The following CHRM3 variants were observed in gnomAD, a reference collection of about 807,000 sequenced individuals.
CHRM3 encodes muscarinic acetylcholine receptor M3.
CHRM3 carries 11 observed loss-of-function variants against 41.8 expected under a neutral mutation model. The ratio of observed to expected loss-of-function variants is 0.26; its 90% CI spans 0.17 to 0.44. The LOEUF (loss-of-function observed/expected upper bound fraction) is 0.44. Ranked by LOEUF, CHRM3 falls within the 20% of genes least tolerant of loss-of-function variation. The probability of loss-of-function intolerance (pLI) is 1.00; values close to 1 mark genes in which losing one functional copy is unlikely to be tolerated. For synonymous variants in CHRM3, 297 were observed against 301.4 expected, an observed-to-expected ratio of 0.99 and a Z score of 0.15; for missense variants, 571 against 745.4, an observed-to-expected ratio of 0.77 and a Z score of 2.72.
chr1:239,723,181 C>T (rs1663132677), intron 5 of CHRM3, among the ~76,000 whole-genome samples: 1 of 151,832 alleles, frequency 6.6e-6, no homozygotes, highest in African/African-American at 2.4e-5. Flanking sequence ...TAGCTATACA[C>T]CAGGCACTAG....
intron 3 of CHRM3, among the ~76,000 whole-genome samples, chr1:239,611,484 G>A (rs983784048): frequency 1.4e-5 from 2 of 144,776 alleles, no homozygotes; most frequent in South Asian, 2.2e-4. Flanking sequence ...GCTGTGGCGC[G>A]ATCTTGGCTC....
intron 5 of CHRM3, among the ~76,000 whole-genome samples, chr1:239,756,317 AG>A (rs559260554): frequency 1.2e-3 from 190 of 152,334 alleles, no homozygotes; most frequent in South Asian, 3.7e-3. Context: ...TGATGAATAA[AG>A]AGGACTTAAG....
At chr1:239,874,054 G>T (rs989295113) in intron 6 of CHRM3, among the ~76,000 whole-genome samples, 4 of 151,604 alleles carry the variant, frequency 2.6e-5, no homozygotes, top group Admixed American at 2.6e-4. Context: ...GAAGAGTAGG[G>T]TTTATCCCCA....
chr1:239,658,550 A>G (rs1482991428), intron 4 of CHRM3, among the ~76,000 whole-genome samples: 1 of 152,168 alleles, frequency 6.6e-6, no homozygotes, highest in African/African-American at 2.4e-5. Context: ...GTAAGTGCAG[A>G]CTTTACATCT....
At chr1:239,696,700 A>T (rs1660227691) in intron 5 of CHRM3, among the ~76,000 whole-genome samples, 1 of 152,156 alleles carries the variant, frequency 6.6e-6, no homozygotes, top group Non-Finnish European at 1.5e-5. Flanking sequence ...ATTTGTGCAG[A>T]CTCAGAGTAA....
chr1:239,850,455 G>A (rs1674610749), intron 6 of CHRM3, among the ~76,000 whole-genome samples: 1 of 152,070 alleles, frequency 6.6e-6, no homozygotes. Context: ...TTCATTGAAA[G>A]AAATCTACAT....
At position 239,909,514 on chromosome 1, in the gene CHRM3, G is replaced by A. The variant is rs1680239083; in HGVS notation, c.*290G>A. 6.5e-6 allele frequency: 2 copies of A among 305,800 alleles called. No individual in the cohort carries two copies. The highest frequency in any genetic ancestry group is 7.1e-5 in the South Asian group (1 of 14,100). The allele number at this position is 305,800 out of a possible 1,614,324, so 18.9% of individuals were successfully genotyped here. On this transcript the variant is annotated 3_prime_UTR_variant, in exon 7 of 7. Coordinates refer to ENST00000676153, the MANE Select transcript of CHRM3 (RefSeq NM_001375978.1). ...AAAGAGGAGAAAAATATTGCTTGACGGCAATTATATACCCAAAGTGATTTG... is the reference window on the plus strand; with the variant it reads ...AAAGAGGAGAAAAATATTGCTTGACAGCAATTATATACCCAAAGTGATTTG...
intron 5 of CHRM3, among the ~76,000 whole-genome samples, chr1:239,694,821 T>A (rs1188821281): frequency 1.3e-5 from 2 of 152,188 alleles, no homozygotes; most frequent in Non-Finnish European, 2.9e-5. Context: ...TCTTTTATTT[T>A]AAAATATTAA....
intron 5 of CHRM3, among the ~76,000 whole-genome samples, chr1:239,819,577 G>A (rs1474874967): frequency 2.0e-5 from 3 of 152,170 alleles, no homozygotes; most frequent in African/African-American, 7.2e-5. Flanking sequence ...ATATATAAAA[G>A]CCTGTAGGAA....
chr1:239,504,316 A>C (rs1668427382), intron 2 of CHRM3, among the ~76,000 whole-genome samples: 1 of 152,150 alleles, frequency 6.6e-6, no homozygotes, highest in Non-Finnish European at 1.5e-5. Flanking sequence ...ATGAAAAAAT[A>C]CTCAACATCA....
chr1:239,805,996 T>C (rs1670609732), intron 5 of CHRM3, among the ~76,000 whole-genome samples: 1 of 152,192 alleles, frequency 6.6e-6, no homozygotes, highest in Non-Finnish European at 1.5e-5. Flanking sequence ...CTCTTGGAGC[T>C]TGATTCTGCA....
intron 5 of CHRM3, among the ~76,000 whole-genome samples, chr1:239,804,494 G>A (rs1670472783): frequency 2.6e-5 from 4 of 152,070 alleles, no homozygotes; most frequent in Admixed American, 6.6e-5. Flanking sequence ...CTGTGTAGGC[G>A]GAGGTCCTGC....
Position 239,462,962 on chromosome 1 carries a change from G to A in CHRM3, c.-520-29747G>A, listed in dbSNP as rs745804566. On this transcript the variant is annotated intron_variant, in intron 1 of 6. Coordinates refer to ENST00000676153, the MANE Select transcript of CHRM3 (RefSeq NM_001375978.1). ...TCACCAGTCAGCAAATATATGAGGGGGAAGAATTTATAAGCCCTAATTTCT... is the reference window on the plus strand; with the variant it reads ...TCACCAGTCAGCAAATATATGAGGGAGAAGAATTTATAAGCCCTAATTTCT... 4.4e-4 allele frequency among the ~76,000 whole-genome samples: 67 copies of A among 152,078 alleles called. 1 individual carries two copies. Among genetic ancestry groups the A allele is most frequent in the Non-Finnish European group, 3.2e-4 (22 of 67,994 alleles).
rs180707066 is a variant in CHRM3 at position 239,490,477 on chromosome 1, A to G, written c.-520-2232A>G. ...AAGTAGAGGCTTCTCAGAAATAAGG[A>G]CTGTTACACTTGCAGTATCAAGCAC... is the stretch of plus-strand genomic sequence containing the variant. On this transcript the variant is annotated intron_variant, in intron 1 of 6. Coordinates refer to ENST00000676153, the MANE Select transcript of CHRM3 (RefSeq NM_001375978.1). 2.0e-5 allele frequency among the ~76,000 whole-genome samples: 3 copies of G among 152,256 alleles called. No individual in the cohort carries two copies. In the East Asian group the frequency reaches 5.8e-4, roughly 29 times the overall value.
At chr1:239,740,028 G>A (rs958170457) in intron 5 of CHRM3, among the ~76,000 whole-genome samples, 1 of 152,176 alleles carries the variant, frequency 6.6e-6, no homozygotes, top group African/African-American at 2.4e-5. Context: ...AAGAGTGATA[G>A]AGAAGGAATA....
chr1:239,762,495 A>T (rs1228291235), intron 5 of CHRM3, among the ~76,000 whole-genome samples: 1 of 152,216 alleles, frequency 6.6e-6, no homozygotes, highest in Non-Finnish European at 1.5e-5. Context: ...AAGTGCTCCA[A>T]GGGTATTTAT....
At chr1:239,869,142 A>T (rs1449330924) in intron 6 of CHRM3, among the ~76,000 whole-genome samples, 1 of 152,042 alleles carries the variant, frequency 6.6e-6, no homozygotes, top group African/African-American at 2.4e-5. Context: ...GACCTAGGGG[A>T]GCAGCTGTGA....
At chr1:239,595,887 G>C (rs956930644) in intron 3 of CHRM3, among the ~76,000 whole-genome samples, 3 of 151,960 alleles carry the variant, frequency 2.0e-5, no homozygotes, top group Admixed American at 6.6e-5. Flanking sequence ...TCTGAATACT[G>C]TTATACCAAT....
At chr1:239,760,094 T>A (rs1272249653) in intron 5 of CHRM3, among the ~76,000 whole-genome samples, 2 of 129,886 alleles carry the variant, frequency 1.5e-5, no homozygotes, top group Admixed American at 1.5e-4. Context: ...TTTTGTATTT[T>A]TTTTTTTTTT....
Sources: allele counts gnomAD v4.1 joint callset (sites outside exome capture counted in the v4.1 genomes callset), GRCh38; gene constraint gnomAD v4.1.1; transcripts MANE v1.5; gene names NCBI Gene and HGNC (gene_info 2026-07-23, HGNC 2026-07-21).